Variants in GABRB2 observed in about 807,000 individuals in gnomAD.
GABRB2 encodes gamma-aminobutyric acid type A receptor subunit beta2.
In GABRB2, 16 loss-of-function variants were observed where a neutral mutation model predicts 54.7. That is an observed-to-expected ratio of 0.29 (90% CI 0.20 to 0.44). GABRB2 has a LOEUF of 0.44. Among genes scored for constraint, GABRB2 ranks in the 20% least tolerant of loss-of-function variants. The probability of loss-of-function intolerance (pLI) is 1.00; values close to 1 mark genes in which losing one functional copy is unlikely to be tolerated. For synonymous variants in GABRB2, 244 were observed against 233.8 expected (o/e 1.04, Z -0.40); for missense variants, 355 against 644.0 (o/e 0.55, Z 4.86).
chr5:161,443,438 G>A (rs906736281), intron 4 of GABRB2, among the ~76,000 whole-genome samples: 3 of 152,094 alleles, frequency 2.0e-5, no homozygotes, highest in African/African-American at 7.2e-5. Context: ...AGTGGCCTAG[G>A]GATATAGCCT....
At chr5:161,407,968 A>G (rs1371294963) in intron 5 of GABRB2, among the ~76,000 whole-genome samples, 2 of 152,078 alleles carry the variant, frequency 1.3e-5, no homozygotes, top group Non-Finnish European at 2.9e-5. Flanking sequence ...TGTAGTCCAT[A>G]TTAACCTTTT....
chr5:161,334,070 T>C (rs190846318), intron 7 of GABRB2, among the ~76,000 whole-genome samples: 8 of 152,338 alleles, frequency 5.3e-5, no homozygotes, highest in Admixed American at 4.6e-4. Context: ...AAGAAAGTAA[T>C]GATTGAATTG....
intron 5 of GABRB2, among the ~76,000 whole-genome samples, chr5:161,337,284 C>T (rs1200377200): frequency 1.3e-5 from 2 of 152,056 alleles, no homozygotes; most frequent in East Asian, 1.9e-4. Context: ...AATTACAATA[C>T]ATTTGAATTT....
intron 5 of GABRB2, among the ~76,000 whole-genome samples, chr5:161,396,235 C>G (rs1017117593): frequency 3.9e-5 from 6 of 152,112 alleles, no homozygotes; most frequent in African/African-American, 1.4e-4. Flanking sequence ...CAAGTAAACC[C>G]CATCCATTCC....
At chr5:161,536,209 A>G (rs1760629312) in intron 3 of GABRB2, among the ~76,000 whole-genome samples, 1 of 152,076 alleles carries the variant, frequency 6.6e-6, no homozygotes, top group Non-Finnish European at 1.5e-5. Flanking sequence ...TATTCATGTT[A>G]TGATGATGGT....
At chr5:161,426,845 G>T (rs892037815) in intron 4 of GABRB2, among the ~76,000 whole-genome samples, 2 of 151,906 alleles carry the variant, frequency 1.3e-5, no homozygotes, top group African/African-American at 4.8e-5. Flanking sequence ...CTTGATCTCT[G>T]GATGAAAAAA....
Position 161,416,769 on chromosome 5 carries a change from A to G in GABRB2, c.459-5712T>C, listed in dbSNP as rs192293385. 2.2e-3 allele frequency among the ~76,000 whole-genome samples: 330 copies of G among 150,912 alleles called. 2 individuals carry two copies. Among genetic ancestry groups the G allele is most frequent in the Middle Eastern group, 6.8e-3 (2 of 292 alleles). On this transcript the variant is annotated intron_variant, in intron 4 of 9. Coordinates refer to ENST00000393959, the MANE Select transcript of GABRB2 (RefSeq NM_001371727.1). ...ACTATATTCAAAACATATTGTTGTAATACACAGCATGCTTTTACTTTGCTC... is the reference window on the plus strand; with the variant it reads ...ACTATATTCAAAACATATTGTTGTAGTACACAGCATGCTTTTACTTTGCTC...
intron 5 of GABRB2, among the ~76,000 whole-genome samples, chr5:161,387,404 G>C (rs937133365): frequency 6.6e-6 from 1 of 152,142 alleles, no homozygotes; most frequent in Non-Finnish European, 1.5e-5. Flanking sequence ...GTATCCTCTA[G>C]TCTTCTCTGC....
intron 9 of GABRB2, among the ~76,000 whole-genome samples, chr5:161,313,375 C>T (rs1046997900): frequency 3.3e-5 from 5 of 152,044 alleles, no homozygotes; most frequent in Admixed American, 6.5e-5. Context: ...CTCCCCACTA[C>T]GTTTTTTTCA....
At chr5:161,400,537 A>C (rs1756153643) in intron 5 of GABRB2, among the ~76,000 whole-genome samples, 1 of 152,162 alleles carries the variant, frequency 6.6e-6, no homozygotes, top group Non-Finnish European at 1.5e-5. Context: ...GGCAGGGGGA[A>C]AATTAGCATT....
chr5:161,496,820 T>C (rs1759263114), intron 3 of GABRB2, among the ~76,000 whole-genome samples: 1 of 152,172 alleles, frequency 6.6e-6, no homozygotes, highest in Non-Finnish European at 1.5e-5. Context: ...CTAATATTGA[T>C]AACTCTGCAA....
chr5:161,373,263 G>C (rs185371267), intron 5 of GABRB2, among the ~76,000 whole-genome samples: 45 of 152,236 alleles, frequency 3.0e-4, no homozygotes, highest in Non-Finnish European at 5.1e-4. Context: ...CTGCCTTTCT[G>C]GTCTTACTGT....
intron 5 of GABRB2, among the ~76,000 whole-genome samples, chr5:161,339,938 G>A (rs1178389373): frequency 6.6e-6 from 1 of 151,780 alleles, no homozygotes; most frequent in East Asian, 1.9e-4. Flanking sequence ...AAAAATACAT[G>A]CTATGTTTAA....
intron 3 of GABRB2, among the ~76,000 whole-genome samples, chr5:161,466,371 G>T (rs1183808425): frequency 6.6e-6 from 1 of 152,020 alleles, no homozygotes; most frequent in Non-Finnish European, 1.5e-5. Flanking sequence ...TAGGATTATG[G>T]AAAGTAATAA....
chr5:161,466,182 C>T (rs866224818), intron 3 of GABRB2, among the ~76,000 whole-genome samples: 1 of 151,962 alleles, frequency 6.6e-6, no homozygotes, highest in Non-Finnish European at 1.5e-5. Flanking sequence ...ATCACCTAAG[C>T]AATATTGTAT....
chr5:161,345,404 A>G (rs1278478694), intron 5 of GABRB2, among the ~76,000 whole-genome samples: 5 of 152,060 alleles, frequency 3.3e-5, no homozygotes, highest in African/African-American at 4.8e-5. Flanking sequence ...TTCAACTTCA[A>G]TGCAAATTCT....
At chr5:161,513,571 C>A (rs1759842045) in intron 3 of GABRB2, among the ~76,000 whole-genome samples, 1 of 151,892 alleles carries the variant, frequency 6.6e-6, no homozygotes, top group South Asian at 2.1e-4. Flanking sequence ...TAACTGGGAG[C>A]TAAACACTGG....
At chr5:161,371,488 G>T (rs1486763612) in intron 5 of GABRB2, among the ~76,000 whole-genome samples, 3 of 152,026 alleles carry the variant, frequency 2.0e-5, no homozygotes, top group African/African-American at 7.2e-5. Context: ...TCTATGAAAA[G>T]AAAGTGCTGA....
rs1186709452 is a variant in GABRB2 at position 161,410,166 on chromosome 5, G to A, written c.541+809C>T. On this transcript the variant is annotated intron_variant, in intron 5 of 9. Transcript: ENST00000393959. ...AGTTATTTAGTGGGATAAAGATTTA[G>A]TGAAATAAAGTATGGAAACATTGCA... is the stretch of plus-strand genomic sequence containing the variant. Among the ~76,000 whole-genome samples, 3 of 152,190 alleles carry A rather than the reference G, an allele frequency of 2.0e-5. No individual in the cohort carries two copies. In the East Asian group the frequency reaches 5.8e-4, roughly 29 times the overall value.
Sources: allele counts gnomAD v4.1 joint callset (sites outside exome capture counted in the v4.1 genomes callset), GRCh38; gene constraint gnomAD v4.1.1; transcripts MANE v1.5; gene names NCBI Gene and HGNC (gene_info 2026-07-23, HGNC 2026-07-21).